The following MTR variants were observed in gnomAD, a reference collection of about 807,000 sequenced individuals.
MTR encodes the protein 5-methyltetrahydrofolate-homocysteine methyltransferase, also known as methionine synthase.
Under a neutral mutation model 154.8 loss-of-function variants are expected in MTR, and 84 were observed. The ratio of observed to expected loss-of-function variants is 0.54; its 90% CI spans 0.45 to 0.65. The LOEUF (loss-of-function observed/expected upper bound fraction) is 0.65, where lower values mean the gene tolerates loss of function less well. Ranked by LOEUF, MTR falls within the 30% of genes least tolerant of loss-of-function variation. The probability of loss-of-function intolerance (pLI) is 0.00; values close to 1 mark genes in which losing one functional copy is unlikely to be tolerated. For synonymous variants in MTR, 554 were observed against 553.9 expected (o/e 1.00, Z 0.00); for missense variants, 1,275 against 1,570.2 (o/e 0.81, Z 3.18).
rs1412695510 is a variant in MTR, at chr1:236,826,721, T to C, written c.928-108T>C. The C allele has an allele frequency of 1.5e-4, 127 of 838,834 alleles. 1 individual carries two copies. In the East Asian group the frequency reaches 3.1e-3, roughly 21 times the overall value. The allele number at this position is 838,834 out of a possible 1,614,324, so 52.0% of individuals were successfully genotyped here. A position where few individuals can be genotyped will look rare whatever the true frequency, so the allele number is the denominator to read the frequency against. ...TAAGTATGTTTGACTCTCTTTTTAG[T>C]ATAGTCTTAGTTATTCAGGAAGTAT... is the stretch of plus-strand genomic sequence containing the variant. On this transcript the variant is annotated intron_variant, in intron 10 of 32. Coordinates refer to ENST00000366577, the MANE Select transcript of MTR (RefSeq NM_000254.3).
rs534957241 is a variant in MTR, at chr1:236,835,417, G to T, written c.1189-130G>T. On this transcript the variant is annotated intron_variant, in intron 13 of 32. Transcript: ENST00000366577. ...GAGTGATGGGTGGACAGCAGGCCCG[G>T]AGTCAGGGAGTCTGGCGAGGTAGTC... The T allele has an allele frequency of 1.1e-5, 12 of 1,083,400 alleles. No homozygotes were observed. In the African/African-American group the frequency reaches 1.9e-4, roughly 17 times the overall value. 67.1% of individuals were successfully genotyped at this position (1,083,400 alleles called of 1,614,324 possible). A position where few individuals can be genotyped will look rare whatever the true frequency, so the allele number is the denominator to read the frequency against.
intron 15 of MTR, among the ~76,000 whole-genome samples, chr1:236,839,245 C>T (rs969603213): frequency 5.9e-5 from 9 of 152,086 alleles, no homozygotes; most frequent in African/African-American, 1.9e-4. Context: ...CAACCATATA[C>T]TAAAATAAAG....
chr1:236,801,078 C>T lies in MTR; in HGVS notation c.35-2350C>T, dbSNP rs144121279. Among the ~76,000 whole-genome samples, 65 of 152,264 alleles carry T rather than the reference C, an allele frequency of 4.3e-4. No individual in the cohort carries two copies. The East Asian group carries it at 0.01, about 24-fold the overall frequency. ...AAATTAACACTACATGTGAATTTACCGTGTCGACTATAGCTTGAAATGGCG... is the reference window on the plus strand; with the variant it reads ...AAATTAACACTACATGTGAATTTACTGTGTCGACTATAGCTTGAAATGGCG... On this transcript the variant is annotated intron_variant, in intron 1 of 32. Transcript: ENST00000366577.
At chr1:236,798,407 C>T (rs2102994494) in intron 1 of MTR, among the ~76,000 whole-genome samples, 1 of 152,298 alleles carries the variant, frequency 6.6e-6, no homozygotes, top group Non-Finnish European at 1.5e-5. Context: ...AGGGCTTTAA[C>T]CACTTATACC....
Position 236,852,571 on chromosome 1 carries a change from C to T in MTR, c.1746C>T (p.Phe582=). 6.2e-7 allele frequency: 1 copy of T among 1,614,080 alleles called. No individual in the cohort carries two copies. The highest frequency in any genetic ancestry group is 8.5e-7 in the Non-Finnish European group (1 of 1,179,994). Residue 582 remains phenylalanine, a synonymous_variant, in exon 17 of 33, where the codon TTC becomes TTT. Transcript: ENST00000366577. ...GTGGAGGTCTTTCCAACTTGTCCTT[C>T]TCCTTCCGAGGAATGGAAGCCATTC... ...RISGGLSNLS[F]SFRGMEAIRE...
At chr1:236,876,336 C>T (rs1009137931) in intron 24 of MTR, among the ~76,000 whole-genome samples, 10 of 152,094 alleles carry the variant, frequency 6.6e-5, no homozygotes, top group South Asian at 2.1e-4. Flanking sequence ...ACAGGGTTTG[C>T]GTTTCCACAA....
intron 22 of MTR, among the ~76,000 whole-genome samples, chr1:236,871,154 A>G (rs1229985507): frequency 6.6e-6 from 1 of 152,166 alleles, no homozygotes; most frequent in Non-Finnish European, 1.5e-5. Context: ...GCCCTTGTGT[A>G]GTGGGTATAA....
intron 22 of MTR, among the ~76,000 whole-genome samples, chr1:236,869,296 CT>C (rs913513095): frequency 3.3e-5 from 5 of 151,978 alleles, no homozygotes; most frequent in South Asian, 2.1e-4. Flanking sequence ...TTCAGTGCAA[CT>C]TTTTTTTTCC....
chr1:236,887,795 G>A lies in MTR; in HGVS notation c.2852-1386G>A, dbSNP rs542865019. Among the ~76,000 whole-genome samples the A allele has an allele frequency of 5.6e-4, 85 of 152,352 alleles. 1 individual carries two copies. The Middle Eastern group carries it at 0.017, about 30-fold the overall frequency. ...GGAAGTCGGTAGGGAATAAAAGAGG[G>A]TTTTCTTTTACGGCCCTGATGGTAA... On this transcript the variant is annotated intron_variant, in intron 27 of 32. Coordinates refer to ENST00000366577, the MANE Select transcript of MTR (RefSeq NM_000254.3).
At chr1:236,855,434 AT>A (rs1664147342) in intron 18 of MTR, among the ~76,000 whole-genome samples, 1 of 152,206 alleles carries the variant, frequency 6.6e-6, no homozygotes, top group South Asian at 2.1e-4. Flanking sequence ...GAGGATCTTT[AT>A]TAAATGGTAC....
At chr1:236,860,754 T>A (rs1664488554) in intron 19 of MTR, among the ~76,000 whole-genome samples, 1 of 152,250 alleles carries the variant, frequency 6.6e-6, no homozygotes, top group African/African-American at 2.4e-5. Context: ...TTAGCACATT[T>A]TACTGAGGTA....
At chr1:236,838,690 A>G in intron 15 of MTR, 91 bp downstream of exon 15, 2 of 1,259,358 alleles carry the variant, frequency 1.6e-6, no homozygotes, top group South Asian at 1.2e-5. Context: ...ACATATATAC[A>G]TACACATATA....
intron 8 of MTR, among the ~76,000 whole-genome samples, chr1:236,820,790 T>G (rs1451663547): frequency 1.3e-5 from 2 of 152,216 alleles, no homozygotes; most frequent in Non-Finnish European, 2.9e-5. Flanking sequence ...GAGTTCCTGT[T>G]GTTCCGCATC....
intron 28 of MTR, among the ~76,000 whole-genome samples, chr1:236,890,361 C>T (rs1275620693): frequency 3.3e-5 from 5 of 152,184 alleles, no homozygotes; most frequent in African/African-American, 1.2e-4. Flanking sequence ...CTGGCTCCCA[C>T]TGCAGGTCCG....
At chr1:236,841,489 A>G (rs1384240563) in intron 15 of MTR, among the ~76,000 whole-genome samples, 1 of 152,170 alleles carries the variant, frequency 6.6e-6, no homozygotes, top group Non-Finnish European at 1.5e-5. Context: ...CTGTCATACT[A>G]CTTTTTTGAA....
intron 15 of MTR, among the ~76,000 whole-genome samples, chr1:236,840,466 G>A (rs372707046): frequency 4.3e-4 from 66 of 152,308 alleles, no homozygotes; most frequent in African/African-American, 1.5e-3. Context: ...AAATGGTCGA[G>A]TGAAGAGGCT....
chr1:236,852,563 T>C lies in MTR; in HGVS notation c.1738T>C (p.Leu580=). ...CAGAATAAGTGGAGGTCTTTCCAAC[T>C]TGTCCTTCTCCTTCCGAGGAATGGA... is the stretch of plus-strand genomic sequence containing the variant. The part of the protein sequence containing the change: ...GARISGGLSN[L]SFSFRGMEAI... The change falls in exon 17 of 33, where the codon TTG becomes CTG. Residue 580 remains leucine, a synonymous_variant. Transcript: ENST00000366577. 1 of 1,614,092 alleles carries C rather than the reference T, an allele frequency of 6.2e-7. No individual in the cohort carries two copies. Among genetic ancestry groups the C allele is most frequent in the South Asian group, 1.1e-5 (1 of 91,080 alleles).
chr1:236,826,125 G>C (rs1483853576), intron 10 of MTR, among the ~76,000 whole-genome samples: 1 of 152,126 alleles, frequency 6.6e-6, no homozygotes, highest in African/African-American at 2.4e-5. Flanking sequence ...ATTGTGGCCA[G>C]TGTGACAGAG....
intron 18 of MTR, among the ~76,000 whole-genome samples, chr1:236,857,700 G>C (rs990116949): frequency 2.0e-5 from 3 of 152,372 alleles, no homozygotes; most frequent in African/African-American, 7.2e-5. Flanking sequence ...CTACAGCTCA[G>C]TGATACATGC....
Sources: gnomAD v4.1 joint callset for allele counts (sites outside exome capture counted in the v4.1 genomes callset) on GRCh38, gnomAD v4.1.1 for gene constraint, MANE v1.5 for transcripts, NCBI Gene and HGNC (gene_info 2026-07-23, HGNC 2026-07-21) for gene names.